Variants in CDK6 observed in about 807,000 individuals in gnomAD.
CDK6 encodes the protein cyclin dependent kinase 6.
CDK6 carries 6 observed loss-of-function variants against 37.1 expected under a neutral mutation model. That is an observed-to-expected ratio of 0.16 (90% CI 0.09 to 0.32). The LOEUF is 0.32. Among genes scored for constraint, CDK6 ranks in the 10% least tolerant of loss-of-function variants. The pLI, the probability that CDK6 is intolerant of heterozygous loss-of-function variation, is 1.00. For synonymous variants in CDK6, 160 were observed against 161.3 expected (o/e 0.99, Z 0.06); for missense variants, 224 against 418.9 (o/e 0.53, Z 4.06).
At position 92,679,083 on chromosome 7, in the gene CDK6, A is replaced by G. The variant is rs568376734; in HGVS notation, c.538-7548T>C. The stretch of plus-strand genomic sequence containing the variant: ...ATAGCACCATCCCCTGAGTTCCCCT[A>G]AGCCCACATCTCTGCAAATCATGCC... On this transcript the variant is annotated intron_variant, in intron 4 of 7. Coordinates refer to ENST00000424848, the MANE Select transcript of CDK6 (RefSeq NM_001145306.2). 7.2e-5 allele frequency among the ~76,000 whole-genome samples: 11 copies of G among 152,298 alleles called. No homozygotes were observed. In the East Asian group the frequency reaches 2.1e-3, roughly 29 times the overall value.
intron 5 of CDK6, among the ~76,000 whole-genome samples, chr7:92,660,362 C>T (rs1409611089): frequency 6.6e-6 from 1 of 152,140 alleles, no homozygotes; most frequent in Non-Finnish European, 1.5e-5. Context: ...GGCAGCTGGG[C>T]ACCCAGGACA....
At chr7:92,616,769 T>C (rs548316743) in intron 7 of CDK6, among the ~76,000 whole-genome samples, 3 of 152,296 alleles carry the variant, frequency 2.0e-5, no homozygotes, top group Admixed American at 1.3e-4. Context: ...GGAAGCCCTT[T>C]CCTCACAGCT....
chr7:92,646,292 T>C (rs1211050286), intron 5 of CDK6, among the ~76,000 whole-genome samples: 1 of 152,238 alleles, frequency 6.6e-6, no homozygotes, highest in African/African-American at 2.4e-5. Flanking sequence ...TTTTATTTGC[T>C]CATGTAAGTT....
chr7:92,797,735 C>G (rs936106024), intron 2 of CDK6, among the ~76,000 whole-genome samples: 1 of 152,200 alleles, frequency 6.6e-6, no homozygotes, highest in Non-Finnish European at 1.5e-5. Context: ...GAAATCAACT[C>G]TTTGGGCAGC....
intron 2 of CDK6, among the ~76,000 whole-genome samples, chr7:92,793,379 T>C (rs1433042025): frequency 6.6e-6 from 1 of 152,170 alleles, no homozygotes; most frequent in Non-Finnish European, 1.5e-5. Flanking sequence ...CCTAAGACAG[T>C]ATGGTACTGG....
At chr7:92,778,787 T>C (rs562294542) in intron 2 of CDK6, among the ~76,000 whole-genome samples, 7 of 152,000 alleles carry the variant, frequency 4.6e-5, no homozygotes, top group African/African-American at 1.2e-4. Context: ...ACCATTTCAG[T>C]TGTGTTTCTG....
rs1404333609 is a variant in CDK6, at chr7:92,606,721, T to G, written c.*8419A>C. 1 of 233,068 alleles carries G rather than the reference T, an allele frequency of 4.3e-6. No homozygotes were observed. The highest frequency in any genetic ancestry group is 2.2e-5 in the African/African-American group (1 of 45,354). 14.4% of individuals were successfully genotyped at this position (233,068 alleles called of 1,614,324 possible). On this transcript the variant is annotated 3_prime_UTR_variant, in exon 8 of 8. Coordinates refer to ENST00000424848, the MANE Select transcript of CDK6 (RefSeq NM_001145306.2). ...TGTATGTGACAGTCTTCCTGAAACC[T>G]AAGAGAAAGTTTTAACCAGGCCCTA...
chr7:92,743,691 G>T (rs1010449988), intron 3 of CDK6, among the ~76,000 whole-genome samples: 1 of 152,190 alleles, frequency 6.6e-6, no homozygotes, highest in Admixed American at 6.5e-5. Context: ...ACTATATCAA[G>T]AGTTGACAAA....
chr7:92,744,530 C>A (rs994775170), intron 3 of CDK6, among the ~76,000 whole-genome samples: 33 of 152,150 alleles, frequency 2.2e-4, no homozygotes, highest in Non-Finnish European at 4.4e-5. Context: ...ACAGAGACCT[C>A]AGTTTTCCTT....
At chr7:92,788,616 A>C (rs1800203331) in intron 2 of CDK6, among the ~76,000 whole-genome samples, 1 of 152,186 alleles carries the variant, frequency 6.6e-6, no homozygotes, top group Admixed American at 6.5e-5. Flanking sequence ...CACTTATTTG[A>C]GTGTTTACTA....
chr7:92,701,022 T>C (rs1003502344), intron 4 of CDK6, among the ~76,000 whole-genome samples: 18 of 152,252 alleles, frequency 1.2e-4, no homozygotes, highest in Admixed American at 1.0e-3. Flanking sequence ...CAACTGAAGC[T>C]GCTCTCTCTG....
At chr7:92,644,305 CATGG>C (rs1363601549) in intron 5 of CDK6, among the ~76,000 whole-genome samples, 1 of 152,092 alleles carries the variant, frequency 6.6e-6, no homozygotes, top group East Asian at 1.9e-4. Flanking sequence ...AGAAGCTCCC[CATGG>C]ATATATGGGG....
chr7:92,743,819 A>C (rs1464136541), intron 3 of CDK6, among the ~76,000 whole-genome samples: 1 of 152,196 alleles, frequency 6.6e-6, no homozygotes, highest in Non-Finnish European at 1.5e-5. Flanking sequence ...CAGTAAAAGA[A>C]GCTATACACA....
chr7:92,725,246 T>C (rs1034778903), intron 4 of CDK6: 41 of 985,330 alleles, frequency 4.2e-5, no homozygotes, highest in Non-Finnish European at 4.8e-5. Flanking sequence ...ACCATGATGC[T>C]GCAGACAGGT....
At chr7:92,739,327 C>T (rs570146527) in intron 3 of CDK6, among the ~76,000 whole-genome samples, 1 of 151,414 alleles carries the variant, frequency 6.6e-6, no homozygotes, top group African/African-American at 2.5e-5. Context: ...TCCAGATGTG[C>T]AAACTTCTGC....
rs536712350 is a variant in CDK6, at chr7:92,803,558, C to T, written c.234-28727G>A. On this transcript the variant is annotated intron_variant, in intron 2 of 7. Coordinates refer to ENST00000424848, the MANE Select transcript of CDK6 (RefSeq NM_001145306.2). ...GTTTGAGAGCCATGAGGGCAGAGTC[C>T]CCATTTAGAGGACAGTGTGGGACAT... Among the ~76,000 whole-genome samples the T allele has an allele frequency of 9.9e-5, 15 of 152,176 alleles. No individual in the cohort carries two copies. The South Asian group carries it at 1.9e-3, about 19-fold the overall frequency.
chr7:92,650,233 T>C (rs1265762463), intron 5 of CDK6, among the ~76,000 whole-genome samples: 1 of 152,168 alleles, frequency 6.6e-6, no homozygotes, highest in Admixed American at 6.5e-5. Context: ...CACTCATGTT[T>C]CCCCCTAAAA....
intron 2 of CDK6, among the ~76,000 whole-genome samples, chr7:92,783,337 C>T (rs1800043052): frequency 6.6e-6 from 1 of 152,180 alleles, no homozygotes; most frequent in South Asian, 2.1e-4. Flanking sequence ...TTAAACAACC[C>T]CTTTCCCACT....
chr7:92,831,726 T>G (rs1801486955), intron 2 of CDK6, among the ~76,000 whole-genome samples: 1 of 152,240 alleles, frequency 6.6e-6, no homozygotes, highest in Non-Finnish European at 1.5e-5. Context: ...GCCTTATTTA[T>G]ATATTTATGA....
Sources: gnomAD v4.1 joint callset for allele counts (sites outside exome capture counted in the v4.1 genomes callset) on GRCh38, gnomAD v4.1.1 for gene constraint, MANE v1.5 for transcripts, NCBI Gene and HGNC (gene_info 2026-07-23, HGNC 2026-07-21) for gene names.